TTC16: variants seen among roughly 807,000 people sequenced by gnomAD.
The protein encoded by TTC16 is tetratricopeptide repeat domain 16, also known as tetratricopeptide repeat protein 16.
A neutral mutation model predicts 80.4 loss-of-function variants in TTC16; 66 were observed. The observed-to-expected ratio is 0.82, with a 90% CI of 0.67 to 1.01. The LOEUF (loss-of-function observed/expected upper bound fraction) is 1.01, where lower values mean the gene tolerates loss of function less well. Among genes scored for constraint, TTC16 ranks in the 50% least tolerant of loss-of-function variants. The pLI, the probability that TTC16 is intolerant of heterozygous loss-of-function variation, is 0.00. For synonymous variants in TTC16, 438 were observed against 451.3 expected (o/e 0.97, Z 0.37); for missense variants, 1,070 against 1,103.2 (o/e 0.97, Z 0.43).
intron 6 of TTC16, 49 bp from the exon 7 acceptor site, chr9:127,723,070 C>T (rs748277913): frequency 2.4e-5 from 38 of 1,587,226 alleles, no homozygotes; most frequent in Middle Eastern, 2.2e-4. Flanking sequence ...CTCTAGGTCC[C>T]GTGGCTCAGT....
chr9:127,729,654 C>A lies in TTC16; in HGVS notation c.1838C>A (p.Ala613Asp), dbSNP rs1274168165. The change falls in exon 13 of 14, where the codon GCC becomes GAC. Residue 613 changes from alanine (A) to aspartate (D), a missense_variant. Transcript: ENST00000373289. ...AGCTACCTTGACCAGACCTCTTCAG[C>A]CTCCAGCATGAGCTGTAAGTCCCTG... Reference protein sequence around the residue: ...SDSYLDQTSSASSMSFRTTGT... With the variant: ...SDSYLDQTSSDSSMSFRTTGT... 6.2e-7 allele frequency: 1 copy of A among 1,613,566 alleles called. No individual in the cohort carries two copies. Among genetic ancestry groups the A allele is most frequent in the South Asian group, 1.1e-5 (1 of 91,092 alleles).
chr9:127,724,228 G>T lies in TTC16; in HGVS notation c.981G>T (p.Gln327His). The T allele has an allele frequency of 6.2e-7, 1 of 1,613,118 alleles. No homozygotes were observed. Among genetic ancestry groups the T allele is most frequent in the Non-Finnish European group, 8.5e-7 (1 of 1,180,034 alleles). The change falls in exon 8 of 14, where the codon CAG becomes CAT. Residue 327 changes from glutamine to histidine, a missense_variant. By Grantham distance (24) the Gln-to-His change is conservative (BLOSUM62 0). Transcript: ENST00000373289. ...EDQEDMVRQA[Q>H]RQLLLTYNDF... Reference sequence around the variant, plus strand: ...AGGAGGACATGGTGCGGCAGGCACAGCGCCAGCTGTTGCTGACCTACAACG... The same window carrying T: ...AGGAGGACATGGTGCGGCAGGCACATCGCCAGCTGTTGCTGACCTACAACG...
At position 127,724,449 on chromosome 9, in the gene TTC16, T is replaced by C. The variant is rs553725259; in HGVS notation, c.1117+85T>C. ...GCCCCCACTGGGCACTTGAGGCCCC[T>C]GGGGGGAAGGAGGAAGGGAGAGAGG... On this transcript the variant is annotated intron_variant, in intron 8 of 13. Coordinates refer to ENST00000373289, the MANE Select transcript of TTC16 (RefSeq NM_144965.3). 505 of 1,523,850 alleles carry C rather than the reference T, an allele frequency of 3.3e-4. 11 individuals are homozygous for C. The South Asian group carries it at 6.0e-3, about 18-fold the overall frequency. The allele number at this position is 1,523,850 out of a possible 1,614,324, so 94.4% of individuals were successfully genotyped here.
Position 127,723,582 on chromosome 9 carries a change from G to A in TTC16, c.872+249G>A, listed in dbSNP as rs562836626. Among the ~76,000 whole-genome samples the A allele has an allele frequency of 5.1e-4, 78 of 152,356 alleles. 1 individual carries two copies. In the South Asian group the frequency reaches 0.016, roughly 32 times the overall value. On this transcript the variant is annotated intron_variant, in intron 7 of 13. Transcript: ENST00000373289. ...AGCTGCAGCCTGCAAAGCAGTTCAC[G>A]CTGGGCGCTGAGCCCAGCTCAGTGG...
intron 12 of TTC16, chr9:127,729,329 TG>T: frequency 2.2e-6 from 1 of 452,680 alleles, no homozygotes; most frequent in East Asian, 4.1e-5. Flanking sequence ...ATTTTGCAGT[TG>T]AAAAAAACCA....
rs117299342 is a variant in TTC16, at chr9:127,718,739, G to T, written c.426+967G>T. Among the ~76,000 whole-genome samples, 1 of 151,952 alleles carries T rather than the reference G, an allele frequency of 6.6e-6. No individual in the cohort carries two copies. The highest frequency in any genetic ancestry group is 1.5e-5 in the Non-Finnish European group (1 of 67,988). ...CCCAAGTAGCTAGGATTACAGATGT[G>T]CATCAACATGCCTGGCTAATTTTTG... On this transcript the variant is annotated intron_variant, in intron 4 of 13. Coordinates refer to ENST00000373289, the MANE Select transcript of TTC16 (RefSeq NM_144965.3). This position sits in a 1 kb window ranked among gnomAD's most constrained non-coding sequence, Gnocchi z 4.6.
chr9:127,731,067 A>C lies in TTC16; in HGVS notation c.2284A>C (p.Thr762Pro). Residue 762 changes from threonine (T) to proline (P), a missense_variant, in exon 14 of 14, where the codon ACC becomes CCC. Transcript: ENST00000373289. ...TQGPRQEPSK[T>P]KTTRSPRQRP... Reference sequence around the variant, plus strand: ...GGGCCCAAGGCAGGAGCCCAGCAAGACCAAGACCACCCGGAGCCCAAGGCA... The same window carrying C: ...GGGCCCAAGGCAGGAGCCCAGCAAGCCCAAGACCACCCGGAGCCCAAGGCA... 1 of 1,612,562 alleles carries C rather than the reference A, an allele frequency of 6.2e-7. No homozygotes were observed. Among genetic ancestry groups the C allele is most frequent in the South Asian group, 1.1e-5 (1 of 91,056 alleles).
intron 13 of TTC16, 99 bp downstream of exon 13, chr9:127,729,767 C>A: frequency 9.1e-7 from 1 of 1,094,248 alleles, no homozygotes; most frequent in Non-Finnish European, 1.4e-6. Context: ...TGCGTTCGGC[C>A]CCGCTGCTGA....
rs768857855 is a variant in TTC16, at chr9:127,727,350, C to T, written c.1649C>T (p.Ala550Val). 4 of 1,606,690 alleles carry T rather than the reference C, an allele frequency of 2.5e-6. No homozygotes were observed. The highest frequency in any genetic ancestry group is 1.7e-5 in the Admixed American group (1 of 59,614). Reference protein sequence around the residue: ...HSWKQGEPLIATSEELKATPE... With the variant: ...HSWKQGEPLIVTSEELKATPE... Reference sequence around the variant, plus strand: ...TGGAAGCAGGGGGAGCCTTTGATTGCGACCTCCGAGGAGCTGAAGGCCACC... The same window carrying T: ...TGGAAGCAGGGGGAGCCTTTGATTGTGACCTCCGAGGAGCTGAAGGCCACC... Residue 550 changes from alanine (A) to valine (V), a missense_variant, in exon 12 of 14, where the codon GCG becomes GTG. Coordinates refer to ENST00000373289, the MANE Select transcript of TTC16 (RefSeq NM_144965.3).
At chr9:127,730,236 A>C (rs2131697068) in intron 13 of TTC16, 1 of 255,114 alleles carries the variant, frequency 3.9e-6, no homozygotes, top group South Asian at 6.5e-5. Context: ...CACAGCCAGG[A>C]GACAGGGCAG....
Position 127,724,293 on chromosome 9 carries a change from A to G in TTC16, c.1046A>G (p.Glu349Gly). The G allele has an allele frequency of 6.2e-7, 1 of 1,608,632 alleles. No individual in the cohort carries two copies. The highest frequency in any genetic ancestry group is 8.5e-7 in the Non-Finnish European group (1 of 1,177,208). ...TGCTACAGGCAGGGCGCCTACCAGG[A>G]GGGCGTGCTGCTGCTGAACAAGGCC... ...VHCYRQGAYQ[E>G]GVLLLNKALR... is the part of the protein sequence containing the mutation. Residue 349 changes from glutamate to glycine, a missense_variant, in exon 8 of 14, where the codon GAG (glutamate) becomes GGG (glycine). Glu to Gly is a moderately conservative substitution (Grantham distance 98). Transcript: ENST00000373289.
intron 4 of TTC16, among the ~76,000 whole-genome samples, chr9:127,719,002 G>T (rs1843254528): frequency 6.6e-6 from 1 of 151,742 alleles, no homozygotes; most frequent in East Asian, 2.0e-4. Flanking sequence ...CATGAGGTCA[G>T]GAGTTTGAGA....
At chr9:127,717,159 G>A (rs1231975831) in intron 2 of TTC16, 143 bp downstream of exon 2, 1 of 1,282,902 alleles carries the variant, frequency 7.8e-7, no homozygotes, top group African/African-American at 1.5e-5. Context: ...GTGGGAACGA[G>A]GCTGATGGCC....
At chr9:127,728,213 C>G (rs1844130249) in intron 12 of TTC16, 1 of 152,284 alleles carries the variant, frequency 6.6e-6, no homozygotes, top group South Asian at 2.1e-4. Flanking sequence ...TTGGGGCCCC[C>G]TTCGAGGCCC....
chr9:127,726,575 G>T (rs1204230448), intron 10 of TTC16, among the ~76,000 whole-genome samples, 171 bp downstream of exon 10: 2 of 151,976 alleles, frequency 1.3e-5, no homozygotes, highest in African/African-American at 4.8e-5. Flanking sequence ...ATCACTTGAG[G>T]TCAGGAGTTC....
rs1843729269 is a variant in TTC16 at position 127,724,258 on chromosome 9, T to C, written c.1011T>C (p.Phe337=). 5.6e-6 allele frequency: 9 copies of C among 1,613,078 alleles called. No individual in the cohort carries two copies. The highest frequency in any genetic ancestry group is 7.6e-6 in the Non-Finnish European group (9 of 1,180,018). The change falls in exon 8 of 14, where the codon TTT becomes TTC. Residue 337 remains phenylalanine, a synonymous_variant. Coordinates refer to ENST00000373289, the MANE Select transcript of TTC16 (RefSeq NM_144965.3). ...AGCTGTTGCTGACCTACAACGACTTTGCCGTGCACTGCTACAGGCAGGGCG... is the reference window on the plus strand; with the variant it reads ...AGCTGTTGCTGACCTACAACGACTTCGCCGTGCACTGCTACAGGCAGGGCG... ...QRQLLLTYND[F]AVHCYRQGAY...
Position 127,723,143 on chromosome 9 carries a change from C to T in TTC16, c.682C>T (p.His228Tyr). 1 of 1,612,302 alleles carries T rather than the reference C, an allele frequency of 6.2e-7. No individual in the cohort carries two copies. Among genetic ancestry groups the T allele is most frequent in the East Asian group, 2.2e-5 (1 of 44,884 alleles). Residue 228 changes from histidine (H) to tyrosine (Y), a missense_variant, in exon 7 of 14, where the codon CAC (histidine) becomes TAC (tyrosine). Transcript: ENST00000373289. ...QKPHLCYRDL[H>Y]SALLLNPKHP... ...GCCCCACCTCTGCTACCGGGACCTG[C>T]ACAGCGCCTTGCTGTTGAATCCCAA...
intron 4 of TTC16, 57 bp from the exon 5 acceptor site, chr9:127,720,021 G>T: frequency 1.3e-6 from 2 of 1,496,748 alleles, no homozygotes; most frequent in South Asian, 2.3e-5. Flanking sequence ...GCTGCCAACT[G>T]GGGGGTGCAG....
chr9:127,731,523 C>T lies in TTC16; in HGVS notation c.*118C>T. ...GCAATTAAAAGTCTTAGCAACAGTC[C>T]TCTGGTCCCACAGCTGAGTTTATTA... On this transcript the variant is annotated 3_prime_UTR_variant, in exon 14 of 14. Transcript: ENST00000373289. 6.8e-7 allele frequency: 1 copy of T among 1,480,158 alleles called. No homozygotes were observed. Among genetic ancestry groups the T allele is most frequent in the South Asian group, 1.4e-5 (1 of 71,274 alleles). 91.7% of individuals were successfully genotyped at this position (1,480,158 alleles called of 1,614,324 possible).
Sources: allele counts gnomAD v4.1 joint callset (sites outside exome capture counted in the v4.1 genomes callset), GRCh38; gene constraint gnomAD v4.1.1; non-coding constraint Gnocchi (gnomAD v3.1); transcripts MANE v1.5; gene names NCBI Gene and HGNC (gene_info 2026-07-23, HGNC 2026-07-21).